ADAMTS19: variants seen among roughly 807,000 people sequenced by gnomAD.
The protein encoded by ADAMTS19 is ADAM metallopeptidase with thrombospondin type 1 motif 19.
Under a neutral mutation model 153.3 loss-of-function variants are expected in ADAMTS19, and 93 were observed. That is an observed-to-expected ratio of 0.61 (90% CI 0.51 to 0.72). The LOEUF (loss-of-function observed/expected upper bound fraction) is 0.72. Among genes scored for constraint, ADAMTS19 ranks in the 30% least tolerant of loss-of-function variants. ADAMTS19 has a pLI of 0.00. For missense variants in ADAMTS19, 1,482 were observed against 1,552.1 expected, an observed-to-expected ratio of 0.95 and a Z score of 0.76; for synonymous variants, 600 against 556.6, an observed-to-expected ratio of 1.08 and a Z score of -1.10.
chr5:129,581,487 CTCTTT>C (rs1234186652), intron 7 of ADAMTS19, among the ~76,000 whole-genome samples: 4 of 151,248 alleles, frequency 2.6e-5, no homozygotes, highest in African/African-American at 7.3e-5. Flanking sequence ...TGATTCTTCT[CTCTTT>C]TCTTCTTTCT....
intron 7 of ADAMTS19, among the ~76,000 whole-genome samples, chr5:129,592,939 AATATTTT>A (rs2126912082): frequency 6.6e-6 from 1 of 152,234 alleles, no homozygotes; most frequent in African/African-American, 2.4e-5. Flanking sequence ...ATCGTTTTTG[AATATTTT>A]ATATTTTATA....
intron 7 of ADAMTS19, among the ~76,000 whole-genome samples, chr5:129,583,869 T>C (rs1366235311): frequency 2.6e-5 from 4 of 152,032 alleles, no homozygotes; most frequent in African/African-American, 9.7e-5. Context: ...CTCCTTTAAC[T>C]TGGAGAAGTT....
intron 20 of ADAMTS19, among the ~76,000 whole-genome samples, chr5:129,702,941 A>AAAAAAAAAATATATATATATATATAT: frequency 1.4e-4 from 4 of 29,304 alleles, no homozygotes; most frequent in African/African-American, 3.4e-4. Flanking sequence ...AAAAAAAAAA[A>AAAAAAAAAATATATATATATATATAT]ATATATATAT....
At chr5:129,538,246 A>G (rs984489058) in intron 6 of ADAMTS19, among the ~76,000 whole-genome samples, 2 of 152,158 alleles carry the variant, frequency 1.3e-5, no homozygotes, top group African/African-American at 4.8e-5. Flanking sequence ...GTCCCACTAC[A>G]CAGGAAAAAG....
intron 8 of ADAMTS19, among the ~76,000 whole-genome samples, chr5:129,609,211 T>C (rs999031852): frequency 1.2e-4 from 18 of 152,324 alleles, no homozygotes; most frequent in Admixed American, 3.9e-4. Flanking sequence ...TTATTAGACA[T>C]ACAGCCTTGG....
At chr5:129,522,297 G>GTA (rs1751838626) in intron 3 of ADAMTS19, among the ~76,000 whole-genome samples, 21 of 112,826 alleles carry the variant, frequency 1.9e-4, no homozygotes, top group African/African-American at 4.3e-4. Flanking sequence ...ATGTGTGTGT[G>GTA]TGTATATATA....
intron 2 of ADAMTS19, among the ~76,000 whole-genome samples, chr5:129,503,405 T>G (rs1400282381): frequency 6.6e-6 from 1 of 152,216 alleles, no homozygotes; most frequent in African/African-American, 2.4e-5. Context: ...TGAAATGATA[T>G]TTTATTTGAA....
At chr5:129,626,728 T>G (rs1305358783) in intron 10 of ADAMTS19, among the ~76,000 whole-genome samples, 2 of 152,238 alleles carry the variant, frequency 1.3e-5, no homozygotes, top group African/African-American at 4.8e-5. Flanking sequence ...AGGCACTGTA[T>G]GAAGCACAAA....
chr5:129,694,252 TATAAATA>T (rs1340916996), intron 18 of ADAMTS19, among the ~76,000 whole-genome samples: 2 of 152,190 alleles, frequency 1.3e-5, no homozygotes, highest in African/African-American at 2.4e-5. Context: ...TTATGTAAAT[TATAAATA>T]ATATCTTCAT....
intron 2 of ADAMTS19, among the ~76,000 whole-genome samples, chr5:129,483,982 A>G (rs907531891): frequency 1.3e-5 from 2 of 152,180 alleles, no homozygotes; most frequent in East Asian, 1.9e-4. Context: ...TGCTAGACCA[A>G]GTTACACTCT....
At position 129,461,628 on chromosome 5, in the gene ADAMTS19, C is replaced by T. The variant is rs1440206547; in HGVS notation, c.618C>T (p.Gly206=). Residue 206 remains glycine, a synonymous_variant, in exon 2 of 23, where the codon GGC becomes GGT. Transcript: ENST00000274487. The surrounding 1 kb of genome is among the most constrained non-coding windows in gnomAD (Gnocchi z 4.6). ...CAGTGGAACAGCGGCCAAATCCCGG[C>T]CCCGGCCCCACGGGGGCAGCATCCG... ...RFAVEQRPNP[G]PGPTGAASAP... 1.3e-6 allele frequency: 2 copies of T among 1,592,944 alleles called. No homozygotes were observed. The highest frequency in any genetic ancestry group is 1.4e-5 in the African/African-American group (1 of 73,706).
intron 9 of ADAMTS19, 93 bp downstream of exon 9, chr5:129,620,851 G>A: frequency 7.4e-7 from 1 of 1,357,318 alleles, no homozygotes; most frequent in Non-Finnish European, 1.0e-6. Flanking sequence ...AAGTGGAAAG[G>A]CCACCAGAGT....
chr5:129,515,822 T>A lies in ADAMTS19; in HGVS notation c.913+6580T>A, dbSNP rs34910117. Among the ~76,000 whole-genome samples the A allele has an allele frequency of 2.0e-5, 3 of 152,116 alleles. No individual in the cohort carries two copies. The South Asian group carries it at 6.2e-4, about 32-fold the overall frequency. ...GTTCTAGCTAGGACTTACAGTAATA[T>A]ATTGAATAACAGTGGAGAGAGTGGG... On this transcript the variant is annotated intron_variant, in intron 3 of 22. Coordinates refer to ENST00000274487, the MANE Select transcript of ADAMTS19 (RefSeq NM_133638.6).
chr5:129,650,842 CT>C (rs1448831639), intron 13 of ADAMTS19, among the ~76,000 whole-genome samples: 1 of 152,196 alleles, frequency 6.6e-6, no homozygotes, highest in East Asian at 1.9e-4. Flanking sequence ...AACCACCCTT[CT>C]CAAAAGACCT....
At chr5:129,686,813 A>G (rs1443796150) in intron 18 of ADAMTS19, among the ~76,000 whole-genome samples, 1 of 152,188 alleles carries the variant, frequency 6.6e-6, no homozygotes, top group East Asian at 1.9e-4. Context: ...CCCCAAGGAT[A>G]AAAAGTGGTT....
chr5:129,523,772 T>C (rs1751907859), intron 3 of ADAMTS19, among the ~76,000 whole-genome samples: 1 of 152,044 alleles, frequency 6.6e-6, no homozygotes, highest in Admixed American at 6.6e-5. Context: ...GAAGGACCTC[T>C]TCAAGGAGAA....
intron 8 of ADAMTS19, among the ~76,000 whole-genome samples, chr5:129,598,511 T>G (rs1373361542): frequency 6.6e-6 from 1 of 152,138 alleles, no homozygotes; most frequent in Non-Finnish European, 1.5e-5. Flanking sequence ...TTAACAAAAT[T>G]AAATATAGCA....
intron 11 of ADAMTS19, among the ~76,000 whole-genome samples, chr5:129,643,367 CAAAAAAA>C (rs556007087): frequency 6.9e-4 from 28 of 40,362 alleles, no homozygotes; most frequent in African/African-American, 1.7e-3. Flanking sequence ...GTTTCAAAGA[CAAAAAAA>C]AAAAAAAAAA....
chr5:129,714,128 A>T (rs1306357631), intron 21 of ADAMTS19, among the ~76,000 whole-genome samples: 1 of 152,204 alleles, frequency 6.6e-6, no homozygotes, highest in African/African-American at 2.4e-5. Flanking sequence ...GATTAGAAAA[A>T]TACATATCTG....
Sources: allele counts gnomAD v4.1 joint callset (sites outside exome capture counted in the v4.1 genomes callset), GRCh38; gene constraint gnomAD v4.1.1; non-coding constraint Gnocchi (gnomAD v3.1); transcripts MANE v1.5; gene names NCBI Gene and HGNC (gene_info 2026-07-23, HGNC 2026-07-21).